PPP2CA: variants seen among roughly 807,000 people sequenced by gnomAD.
PPP2CA encodes protein phosphatase 2 catalytic subunit alpha.
PPP2CA carries 5 observed loss-of-function variants against 38.8 expected under a neutral mutation model. The ratio of observed to expected loss-of-function variants is 0.13; its 90% CI spans 0.07 to 0.27. The LOEUF is 0.27. PPP2CA is among the 10% of genes least tolerant of loss of function. The pLI is 1.00. For synonymous variants in PPP2CA, 152 were observed against 134.0 expected (o/e 1.13, Z -0.93); for missense variants, 88 against 389.7 (o/e 0.23, Z 6.52).
At chr5:134,205,128 T>TCA (rs1459859884) in intron 2 of PPP2CA, among the ~76,000 whole-genome samples, 1 of 152,030 alleles carries the variant, frequency 6.6e-6, no homozygotes, top group Admixed American at 6.6e-5. Context: ...AGACAAGGTC[T>TCA]CACTATGTTG....
intron 2 of PPP2CA, 65 bp downstream of exon 2, chr5:134,205,857 A>G (rs2239543): frequency 0.78 from 967,328 of 1,239,196 alleles, 381,613 homozygotes; most frequent in Non-Finnish European, 0.81. Context: ...TAACTGGGGG[A>G]AAAAAAACTT....
Position 134,196,782 on chromosome 5 carries a change from T to G in PPP2CA, c.*990A>C, listed in dbSNP as rs1182023124. ...AAAACAAAACCCAAAGACTTAAATC[T>G]CAAGTTATATGGTTTTACAATTAAG... On this transcript the variant is annotated 3_prime_UTR_variant, in exon 7 of 7. Transcript: ENST00000481195. 2 of 152,228 alleles carry G rather than the reference T, an allele frequency of 1.3e-5. No individual in the cohort carries two copies. The highest frequency in any genetic ancestry group is 3.8e-4 in the East Asian group (2 of 5,202). The allele number at this position is 152,228 out of a possible 1,614,324, so 9.4% of individuals were successfully genotyped here.
At chr5:134,200,232 T>C (rs747701777) in intron 5 of PPP2CA, 103 bp downstream of exon 5, 18 of 1,272,548 alleles carry the variant, frequency 1.4e-5, no homozygotes, top group South Asian at 5.1e-5. Context: ...TCAGAAGGAA[T>C]AGATGGAATT....
At position 134,204,666 on chromosome 5, in the gene PPP2CA, T is replaced by C. The variant is rs543545927; in HGVS notation, c.312+1256A>G. ...TTGTAGAGATGGGGTTTATGTTGAC[T>C]ACGCTGTTCTTAAACTCCTGGACTC... On this transcript the variant is annotated intron_variant, in intron 2 of 6. Transcript: ENST00000481195. 2.0e-5 allele frequency among the ~76,000 whole-genome samples: 3 copies of C among 152,168 alleles called. 1 individual carries two copies. The South Asian group carries it at 6.2e-4, about 31-fold the overall frequency.
chr5:134,226,059 A>G lies in PPP2CA; in HGVS notation c.-198T>C, dbSNP rs866208531. The G allele has an allele frequency of 2.0e-6, 1 of 507,576 alleles. No homozygotes were observed. Among genetic ancestry groups the G allele is most frequent in the Non-Finnish European group, 3.5e-6 (1 of 287,440 alleles). The allele number at this position is 507,576 out of a possible 1,614,324, so 31.4% of individuals were successfully genotyped here. A position where few individuals can be genotyped will look rare whatever the true frequency, so the allele number is the denominator to read the frequency against. Reference sequence around the variant, plus strand: ...CCTCCTCCGCTCGCTGAGGCTCCAGAGCTCGGCTCTCTGTAATGGCGGCCG... The same window carrying G: ...CCTCCTCCGCTCGCTGAGGCTCCAGGGCTCGGCTCTCTGTAATGGCGGCCG... On this transcript the variant is annotated 5_prime_UTR_variant, in exon 1 of 7. Transcript: ENST00000481195.
At chr5:134,225,654 G>A (rs1340152190) in intron 1 of PPP2CA, 106 bp downstream of exon 1, 5 of 988,394 alleles carry the variant, frequency 5.1e-6, no homozygotes, top group African/African-American at 1.7e-5. Flanking sequence ...GGAGACTCGG[G>A]GGGCCCGGAC....
chr5:134,217,142 T>C (rs1762338267), intron 1 of PPP2CA, among the ~76,000 whole-genome samples: 1 of 151,934 alleles, frequency 6.6e-6, no homozygotes, highest in African/African-American at 2.4e-5. Context: ...TAGCTGGGTG[T>C]GGTGGCGCAT....
At chr5:134,205,227 C>T (rs778013152) in intron 2 of PPP2CA, among the ~76,000 whole-genome samples, 14 of 151,986 alleles carry the variant, frequency 9.2e-5, no homozygotes, top group African/African-American at 1.5e-4. Context: ...CACGAGCCAC[C>T]GTGACCAGCT....
At chr5:134,205,745 T>C in intron 2 of PPP2CA, 177 bp downstream of exon 2, 2 of 570,904 alleles carry the variant, frequency 3.5e-6, no homozygotes, top group Middle Eastern at 4.7e-4. Context: ...TTCTGTACCA[T>C]CCCCTTACTC....
intron 2 of PPP2CA, among the ~76,000 whole-genome samples, chr5:134,202,851 T>A (rs979207877): frequency 1.3e-5 from 2 of 152,252 alleles, no homozygotes; most frequent in African/African-American, 2.4e-5. Context: ...CAGCAATGCA[T>A]GAAGAGTTTA....
chr5:134,201,411 A>G (rs1417633518), intron 3 of PPP2CA, among the ~76,000 whole-genome samples: 1 of 152,208 alleles, frequency 6.6e-6, no homozygotes, highest in Non-Finnish European at 1.5e-5. Flanking sequence ...CATCGCTGTC[A>G]CAACCAGACT....
chr5:134,207,133 G>A (rs1162474076), intron 1 of PPP2CA, among the ~76,000 whole-genome samples: 11 of 152,334 alleles, frequency 7.2e-5, no homozygotes, highest in Non-Finnish European at 1.5e-4. Flanking sequence ...GCCAGGCGCG[G>A]TGGCTCGCAC....
chr5:134,199,285 C>A (rs751723153), intron 5 of PPP2CA, 81 bp from the exon 6 acceptor site: 11 of 1,067,972 alleles, frequency 1.0e-5, no homozygotes, highest in Non-Finnish European at 1.6e-5. Flanking sequence ...AGAAAAAAAT[C>A]TCTACTCATT....
In PPP2CA at chr5:134,195,193, C is replaced by G. The variant is rs1761822483; in HGVS notation, c.*2579G>C. On this transcript the variant is annotated 3_prime_UTR_variant, in exon 7 of 7. Transcript: ENST00000481195. ...GACATGAGCACATCATGTACAAATTCATTGTAAACTTACAAAATAAGTTTC... is the reference window on the plus strand; with the variant it reads ...GACATGAGCACATCATGTACAAATTGATTGTAAACTTACAAAATAAGTTTC... 1 of 152,158 alleles carries G rather than the reference C, an allele frequency of 6.6e-6. No homozygotes were observed. Among genetic ancestry groups the G allele is most frequent in the African/African-American group, 2.4e-5 (1 of 41,428 alleles). The allele number at this position is 152,158 out of a possible 1,614,324, so 9.4% of individuals were successfully genotyped here. A position where few individuals can be genotyped will look rare whatever the true frequency, so the allele number is the denominator to read the frequency against.
At position 134,201,836 on chromosome 5, in the gene PPP2CA, A is replaced by C; in HGVS notation, c.486+12T>G. 1.2e-6 allele frequency: 2 copies of C among 1,611,108 alleles called. No homozygotes were observed. Among genetic ancestry groups the C allele is most frequent in the Non-Finnish European group, 1.7e-6 (2 of 1,178,750 alleles). ...TCTGAAATAATCAGCAATGAGTTTT[A>C]GATCCACATACCTGCCCATCCACCA... On this transcript the variant is annotated intron_variant, in intron 3 of 6. Transcript: ENST00000481195.
intron 1 of PPP2CA, among the ~76,000 whole-genome samples, chr5:134,221,967 CAAAA>C (rs35713465): frequency 5.1e-5 from 4 of 78,104 alleles, no homozygotes; most frequent in Admixed American, 1.2e-4. Context: ...GACCTTATCT[CAAAA>C]AAAAAAAAAA....
intron 5 of PPP2CA, chr5:134,199,421 G>GT (rs573145027): frequency 0.021 from 5,195 of 241,940 alleles, no homozygotes; most frequent in Middle Eastern, 0.029. Flanking sequence ...TACAAAACTT[G>GT]TTTTTTTTTT....
At position 134,201,787 on chromosome 5, in the gene PPP2CA, C is replaced by A. The variant is rs894323252; in HGVS notation, c.486+61G>T. The stretch of plus-strand genomic sequence containing the variant: ...TAAGAGTGGAAAGAGTCATAAGCAC[C>A]TGAACACTAAAGAAAGCAGATTCTC... On this transcript the variant is annotated intron_variant, in intron 3 of 6. Coordinates refer to ENST00000481195, the MANE Select transcript of PPP2CA (RefSeq NM_002715.4). 7.1e-6 allele frequency: 11 copies of A among 1,540,826 alleles called. No individual in the cohort carries two copies. The East Asian group carries it at 2.6e-4, about 36-fold the overall frequency.
intron 3 of PPP2CA, 67 bp from the exon 4 acceptor site, chr5:134,201,141 G>A: frequency 3.2e-6 from 4 of 1,241,832 alleles, no homozygotes; most frequent in Non-Finnish European, 4.7e-6. Context: ...GCTGGGCACA[G>A]TGGCTCATGC....
Sources: allele counts gnomAD v4.1 joint callset (sites outside exome capture counted in the v4.1 genomes callset), GRCh38; gene constraint gnomAD v4.1.1; transcripts MANE v1.5; gene names NCBI Gene and HGNC (gene_info 2026-07-23, HGNC 2026-07-21).